The following CEACAM7 variants were observed in gnomAD, a reference collection of about 807,000 sequenced individuals.
CEACAM7 encodes the protein CEA cell adhesion molecule 7.
A neutral mutation model predicts 25.7 loss-of-function variants in CEACAM7; 24 were observed. The ratio of observed to expected loss-of-function variants is 0.93; its 90% confidence interval spans 0.68 to 1.31. The LOEUF (loss-of-function observed/expected upper bound fraction) is 1.31. Among genes scored for constraint, CEACAM7 ranks in the 40% most tolerant of loss-of-function variants. CEACAM7 has a pLI of 0.00. For synonymous variants in CEACAM7, 144 were observed against 129.4 expected (o/e 1.11, Z -0.77); for missense variants, 324 against 330.1 (o/e 0.98, Z 0.14).
intron 1 of CEACAM7, among the ~76,000 whole-genome samples, chr19:41,687,629 G>T (rs1246263558): frequency 6.6e-6 from 1 of 152,234 alleles, no homozygotes; most frequent in Non-Finnish European, 1.5e-5. Flanking sequence ...TCTGCCGCAT[G>T]AGAGCGTGAG....
At chr19:41,678,490 T>A (rs1555810369) in intron 3 of CEACAM7, among the ~76,000 whole-genome samples, 1 of 152,228 alleles carries the variant, frequency 6.6e-6, no homozygotes, top group African/African-American at 2.4e-5. Flanking sequence ...CAACTCAGAC[T>A]GATGATTAAT....
chr19:41,679,123 G>A (rs2072146867), intron 3 of CEACAM7, among the ~76,000 whole-genome samples: 1 of 151,774 alleles, frequency 6.6e-6, no homozygotes, highest in Non-Finnish European at 1.5e-5. Flanking sequence ...TAATTAGATC[G>A]ACTAAGAAAA....
Position 41,687,045 on chromosome 19 carries a change from CT to C in CEACAM7, c.240del (p.Ile80MetfsTer4). ...GERVHANYRI[I>X]GYVKNISQEN... is the part of the protein sequence containing the mutation. ...TCTTGACTTATATTTTTTACATATC[CT>C]ATAATTCGATAGTTGGCATGCACCC... On this transcript the variant is annotated frameshift_variant, in exon 2 of 5. Transcript: ENST00000401731. LOFTEE classifies it high-confidence loss of function. 6.2e-7 allele frequency: 1 copy of C among 1,614,018 alleles called. No individual in the cohort carries two copies. The highest frequency in any genetic ancestry group is 8.5e-7 in the Non-Finnish European group (1 of 1,179,984).
At chr19:41,681,370 G>A (rs782126030) in intron 3 of CEACAM7, among the ~76,000 whole-genome samples, 2 of 152,146 alleles carry the variant, frequency 1.3e-5, no homozygotes, top group Non-Finnish European at 1.5e-5. Flanking sequence ...TGGTAGAGCC[G>A]TTTCTCAAAA....
chr19:41,687,044 C>G lies in CEACAM7; in HGVS notation c.242G>C (p.Gly81Ala), dbSNP rs1555811278. Residue 81 changes from glycine to alanine, a missense_variant, in exon 2 of 5, where the codon GGA becomes GCA. By Grantham distance (60) the Gly-to-Ala change is moderately conservative (BLOSUM62 0). Transcript: ENST00000401731. Reference protein sequence around the residue: ...ERVHANYRIIGYVKNISQENA... With the variant: ...ERVHANYRIIAYVKNISQENA... ...TTCTTGACTTATATTTTTTACATAT[C>G]CTATAATTCGATAGTTGGCATGCAC... 1 of 1,614,006 alleles carries G rather than the reference C, an allele frequency of 6.2e-7. No homozygotes were observed. Among genetic ancestry groups the G allele is most frequent in the Admixed American group, 1.7e-5 (1 of 60,002 alleles).
chr19:41,687,037 T>C lies in CEACAM7; in HGVS notation c.249A>G (p.Val83=). The C allele has an allele frequency of 6.2e-7, 1 of 1,614,152 alleles. No individual in the cohort carries two copies. The highest frequency in any genetic ancestry group is 1.1e-5 in the South Asian group (1 of 91,084). ...VHANYRIIGY[V]KNISQENAPG... is the part of the protein sequence containing the mutation. The stretch of plus-strand genomic sequence containing the variant: ...GGGCATTTTCTTGACTTATATTTTT[T>C]ACATATCCTATAATTCGATAGTTGG... The change falls in exon 2 of 5, where the codon GTA becomes GTG. Residue 83 remains valine (V), a synonymous_variant. Transcript: ENST00000401731.
intron 2 of CEACAM7, among the ~76,000 whole-genome samples, chr19:41,684,459 G>A (rs1860329): frequency 0.44 from 67,406 of 152,012 alleles, 16,540 homozygotes; most frequent in Middle Eastern, 0.61. Flanking sequence ...CCCAGCCAAG[G>A]GGTGTTTCTC....
Position 41,677,385 on chromosome 19 carries a change from C to T in CEACAM7, c.*27G>A, listed in dbSNP as rs1194406543. On this transcript the variant is annotated 3_prime_UTR_variant, in exon 4 of 5. Coordinates refer to ENST00000401731, the MANE Select transcript of CEACAM7 (RefSeq NM_001291485.2). Reference sequence around the variant, plus strand: ...AGGTCATAATACCTACCACTCTTCCCGAAATGCAGAAACTACACCAAGGCT... The same window carrying T: ...AGGTCATAATACCTACCACTCTTCCTGAAATGCAGAAACTACACCAAGGCT... The T allele has an allele frequency of 1.0e-5, 16 of 1,557,754 alleles. No individual in the cohort carries two copies. Among genetic ancestry groups the T allele is most frequent in the Admixed American group, 1.0e-4 (6 of 59,882 alleles).
chr19:41,679,801 C>CTCTTTTTT (rs35780292), intron 3 of CEACAM7, among the ~76,000 whole-genome samples: 2 of 111,926 alleles, frequency 1.8e-5, no homozygotes, highest in African/African-American at 3.6e-5. Context: ...CTCTCTCTCT[C>CTCTTTTTT]TTTTTTTTTT....
intron 4 of CEACAM7, 163 bp from the exon 5 acceptor site, chr19:41,674,902 C>T (rs1358388244): frequency 6.6e-6 from 1 of 152,324 alleles, no homozygotes; most frequent in Non-Finnish European, 1.5e-5. Flanking sequence ...GGTAGAGTCT[C>T]ATCAAACTTG....
intron 1 of CEACAM7, 97 bp downstream of exon 1, chr19:41,688,004 AG>A: frequency 2.0e-6 from 2 of 999,402 alleles, no homozygotes; most frequent in East Asian, 5.6e-5. Context: ...CTTCAACAGA[AG>A]CCCTTTGTCC....
At chr19:41,682,657 C>T (rs2072186723) in intron 3 of CEACAM7, among the ~76,000 whole-genome samples, 1 of 152,200 alleles carries the variant, frequency 6.6e-6, no homozygotes, top group Non-Finnish European at 1.5e-5. Flanking sequence ...GGGCCAGTCA[C>T]CAGGTGAGCC....
At chr19:41,686,094 T>C (rs2072222724) in intron 2 of CEACAM7, among the ~76,000 whole-genome samples, 1 of 152,082 alleles carries the variant, frequency 6.6e-6, no homozygotes, top group Non-Finnish European at 1.5e-5. Context: ...ACAAGCAGGA[T>C]CTCTGATTGT....
chr19:41,681,995 G>T (rs1262575342), intron 3 of CEACAM7, among the ~76,000 whole-genome samples: 3 of 152,128 alleles, frequency 2.0e-5, no homozygotes, highest in Non-Finnish European at 4.4e-5. Context: ...ACCGAGGCTG[G>T]AATTCAATGG....
chr19:41,676,766 G>T (rs1475609474), intron 4 of CEACAM7, among the ~76,000 whole-genome samples: 3 of 152,172 alleles, frequency 2.0e-5, no homozygotes, highest in African/African-American at 7.2e-5. Flanking sequence ...GTGGAGGAAG[G>T]TTACCTTGTT....
chr19:41,685,743 C>A (rs1215025696), intron 2 of CEACAM7, among the ~76,000 whole-genome samples: 2 of 152,104 alleles, frequency 1.3e-5, no homozygotes, highest in Non-Finnish European at 2.9e-5. Context: ...AAGGGAGAGG[C>A]CTGGACATTC....
chr19:41,682,157 T>C (rs2072182169), intron 3 of CEACAM7, among the ~76,000 whole-genome samples: 1 of 152,166 alleles, frequency 6.6e-6, no homozygotes, highest in African/African-American at 2.4e-5. Flanking sequence ...CAGGCTGGTA[T>C]TGAACTCCTG....
chr19:41,688,051 C>T, intron 1 of CEACAM7, 51 bp downstream of exon 1: 1 of 1,546,688 alleles, frequency 6.5e-7, no homozygotes, highest in Non-Finnish European at 8.8e-7. Flanking sequence ...GAGACCCCAG[C>T]CAGTCTCTCT....
At chr19:41,680,807 T>C (rs750581528) in intron 3 of CEACAM7, among the ~76,000 whole-genome samples, 34 of 151,980 alleles carry the variant, frequency 2.2e-4, no homozygotes, top group Non-Finnish European at 4.3e-4. Flanking sequence ...GAGATAAACC[T>C]ATAAAACTCT....
Sources: allele counts gnomAD v4.1 joint callset (sites outside exome capture counted in the v4.1 genomes callset), GRCh38; gene constraint gnomAD v4.1.1; transcripts MANE v1.5; gene names NCBI Gene and HGNC (gene_info 2026-07-23, HGNC 2026-07-21).